The following CNTN3 variants were observed in gnomAD, a reference collection of about 807,000 sequenced individuals.
CNTN3 encodes the protein contactin-3.
In CNTN3, 60 loss-of-function variants were observed where a neutral mutation model predicts 119.1. The observed-to-expected ratio is 0.50, with a 90% CI of 0.41 to 0.62. The LOEUF is 0.62. CNTN3 is among the 20% of genes least tolerant of loss of function. CNTN3 has a pLI of 0.00. For synonymous variants in CNTN3, 450 were observed against 438.7 expected (o/e 1.03, Z -0.32); for missense variants, 1,101 against 1,242.4 (o/e 0.89, Z 1.71).
intron 1 of CNTN3, among the ~76,000 whole-genome samples, chr3:74,610,445 C>G (rs1900661): frequency 0.98 from 149,971 of 152,310 alleles, 73,841 homozygotes; most frequent in East Asian, 1. Context: ...TGATCCCTAA[C>G]ATAGGAAAGA....
intron 20 of CNTN3, among the ~76,000 whole-genome samples, chr3:74,276,659 T>A (rs1299537573): frequency 6.6e-6 from 1 of 151,952 alleles, no homozygotes; most frequent in Non-Finnish European, 1.5e-5. Context: ...TTCATAGCTC[T>A]AAAAACCGAC....
chr3:74,417,099 G>A (rs1279292148), intron 5 of CNTN3, among the ~76,000 whole-genome samples: 1 of 152,166 alleles, frequency 6.6e-6, no homozygotes, highest in East Asian at 1.9e-4. Context: ...AGTGCAGAAT[G>A]AGAGTGATAC....
intron 1 of CNTN3, among the ~76,000 whole-genome samples, chr3:74,565,541 T>C (rs1301874286): frequency 4.6e-5 from 7 of 152,140 alleles, no homozygotes; most frequent in Non-Finnish European, 8.8e-5. Flanking sequence ...AACATATTCA[T>C]AGGTTCCAGT....
chr3:74,533,529 A>G (rs1703722109), intron 1 of CNTN3, among the ~76,000 whole-genome samples: 2 of 152,060 alleles, frequency 1.3e-5, no homozygotes, highest in South Asian at 2.1e-4. Flanking sequence ...ATATGCACAC[A>G]TGTTATGTCA....
At chr3:74,545,411 C>G (rs1333253038) in intron 1 of CNTN3, among the ~76,000 whole-genome samples, 1 of 152,146 alleles carries the variant, frequency 6.6e-6, no homozygotes, top group Non-Finnish European at 1.5e-5. Context: ...CCTTCACACT[C>G]CTTGATATTT....
intron 1 of CNTN3, among the ~76,000 whole-genome samples, chr3:74,600,075 T>G (rs1704883522): frequency 6.6e-6 from 1 of 151,520 alleles, no homozygotes; most frequent in South Asian, 2.1e-4. Flanking sequence ...TCTTTACAAG[T>G]GAGGAAGAAA....
chr3:74,491,142 A>C (rs1387039977), intron 3 of CNTN3, among the ~76,000 whole-genome samples: 1 of 152,178 alleles, frequency 6.6e-6, no homozygotes, highest in African/African-American at 2.4e-5. Context: ...GTAAGTTCCC[A>C]ATGCAAAATA....
intron 4 of CNTN3, among the ~76,000 whole-genome samples, chr3:74,458,797 C>G (rs917865026): frequency 6.6e-6 from 1 of 151,950 alleles, no homozygotes; most frequent in Non-Finnish European, 1.5e-5. Context: ...ACTCATAGAT[C>G]TATACACTAA....
chr3:74,487,990 C>CATT (rs112479363), intron 3 of CNTN3, among the ~76,000 whole-genome samples: 26,243 of 148,110 alleles, frequency 0.18, 2,672 homozygotes, highest in African/African-American at 0.29. Flanking sequence ...AATCATTATA[C>CATT]ATAATTATTT....
intron 5 of CNTN3, among the ~76,000 whole-genome samples, chr3:74,401,764 G>A (rs1274501781): frequency 6.6e-6 from 1 of 152,066 alleles, no homozygotes; most frequent in African/African-American, 2.4e-5. Flanking sequence ...AGAATATTTT[G>A]ATAACTGCTC....
chr3:74,531,936 T>C (rs1309832835), intron 1 of CNTN3, among the ~76,000 whole-genome samples: 2 of 151,794 alleles, frequency 1.3e-5, no homozygotes, highest in African/African-American at 4.8e-5. Flanking sequence ...AGGCACTGAA[T>C]TGTACACTAA....
rs571938247 is a variant in CNTN3 at position 74,285,437 on chromosome 3, C to A, written c.2572G>T (p.Ala858Ser). 6 of 1,612,936 alleles carry A rather than the reference C, an allele frequency of 3.7e-6. No homozygotes were observed. The highest frequency in any genetic ancestry group is 4.2e-6 in the Non-Finnish European group (5 of 1,179,550). Residue 858 changes from alanine to serine, a missense_variant, in exon 20 of 23, where the codon GCA becomes TCA. Physicochemically the swap from Ala to Ser is moderately conservative, Grantham distance 99. Coordinates refer to ENST00000263665, the MANE Select transcript of CNTN3 (RefSeq NM_020872.3). ...AGTCTGGCTGATGTCTCATTTCCTG[C>A]CACTTTCATCTTACTGGATGATTCC... ...KEESSSKMKV[A>S]GNETSARLRG...
chr3:74,328,702 T>C (rs891345150), intron 13 of CNTN3, among the ~76,000 whole-genome samples: 7 of 152,178 alleles, frequency 4.6e-5, no homozygotes, highest in African/African-American at 1.4e-4. Flanking sequence ...GAATAAATGA[T>C]GAGTCAGGCA....
chr3:74,313,709 A>G (rs183821919), intron 13 of CNTN3, among the ~76,000 whole-genome samples: 21 of 152,286 alleles, frequency 1.4e-4, no homozygotes, highest in Admixed American at 1.1e-3. Context: ...AAAACAGGTT[A>G]TGGAAGGTGG....
At chr3:74,443,228 G>A (rs9864503) in intron 4 of CNTN3, among the ~76,000 whole-genome samples, 4,618 of 152,236 alleles carry the variant, frequency 0.03, 233 homozygotes, top group African/African-American at 0.11. Context: ...GAGCTTGACA[G>A]TGGGAAGCCC....
chr3:74,360,607 G>A (rs1451035522), intron 11 of CNTN3, among the ~76,000 whole-genome samples: 1 of 152,140 alleles, frequency 6.6e-6, no homozygotes. Context: ...CAGAAGTTCA[G>A]TATAGGTCTC....
intron 11 of CNTN3, among the ~76,000 whole-genome samples, chr3:74,355,377 G>A (rs1241641289): frequency 6.6e-6 from 1 of 152,050 alleles, no homozygotes; most frequent in African/African-American, 2.4e-5. Flanking sequence ...GCTCAGACAG[G>A]TGGATTGCTG....
intron 4 of CNTN3, among the ~76,000 whole-genome samples, chr3:74,453,681 C>A (rs1000344695): frequency 2.0e-5 from 3 of 150,082 alleles, no homozygotes; most frequent in African/African-American, 7.4e-5. Context: ...CTACACACTG[C>A]TTTGAATGTG....
intron 2 of CNTN3, among the ~76,000 whole-genome samples, chr3:74,506,706 C>A (rs1703266758): frequency 6.9e-6 from 1 of 145,804 alleles, no homozygotes. Context: ...TACAATACAC[C>A]AGGAGAACAC....
Sources: gnomAD v4.1 joint callset for allele counts (sites outside exome capture counted in the v4.1 genomes callset) on GRCh38, gnomAD v4.1.1 for gene constraint, MANE v1.5 for transcripts, NCBI Gene and HGNC (gene_info 2026-07-23, HGNC 2026-07-21) for gene names.